The following CSMD1 variants were observed in gnomAD, a reference collection of about 807,000 sequenced individuals.
CSMD1 encodes the protein CUB and Sushi multiple domains 1.
A neutral mutation model predicts 417.5 loss-of-function variants in CSMD1; 213 were observed. That is an observed-to-expected ratio of 0.51 (90% CI 0.46 to 0.57). The LOEUF (loss-of-function observed/expected upper bound fraction) is 0.57, where lower values mean the gene tolerates loss of function less well. CSMD1 is among the 20% of genes least tolerant of loss of function. CSMD1 has a pLI of 0.00. For synonymous variants in CSMD1, 2,862 were observed against 1,736.8 expected (o/e 1.65, Z -16.11); for missense variants, 6,923 against 4,529.7 (o/e 1.53, Z -15.17).
chr8:3,955,788 G>A (rs10503224), intron 5 of CSMD1, among the ~76,000 whole-genome samples: 22,587 of 152,204 alleles, frequency 0.15, 2,075 homozygotes, highest in African/African-American at 0.25. Context: ...ATATCCCTTA[G>A]AAATCAATCA....
intron 1 of CSMD1, among the ~76,000 whole-genome samples, chr8:4,716,741 T>G (rs1293580892): frequency 6.6e-6 from 1 of 152,170 alleles, no homozygotes; most frequent in Non-Finnish European, 1.5e-5. Flanking sequence ...GAGAATTAAC[T>G]AAAAACTGAG....
chr8:3,441,714 G>A (rs924291979), intron 12 of CSMD1, among the ~76,000 whole-genome samples: 3 of 152,144 alleles, frequency 2.0e-5, no homozygotes, highest in African/African-American at 7.2e-5. Context: ...TGCCAGCCAT[G>A]TGAAAGCGGA....
chr8:4,401,086 C>T (rs910919595), intron 3 of CSMD1, among the ~76,000 whole-genome samples: 1 of 152,020 alleles, frequency 6.6e-6, no homozygotes, highest in African/African-American at 2.4e-5. Context: ...TGAGTTTTTA[C>T]AAAGAAAATT....
At chr8:3,464,261 G>A (rs1170111755) in intron 12 of CSMD1, among the ~76,000 whole-genome samples, 1 of 152,038 alleles carries the variant, frequency 6.6e-6, no homozygotes, top group Non-Finnish European at 1.5e-5. Context: ...ACTATAGACA[G>A]AGAAGCCATA....
intron 16 of CSMD1, 140 bp downstream of exon 16, chr8:3,399,251 A>C: frequency 4.4e-6 from 3 of 677,812 alleles, no homozygotes; most frequent in Non-Finnish European, 4.8e-6. Flanking sequence ...CTTACAAGTA[A>C]GTGCCTGTTT....
chr8:4,920,733 G>A (rs1465614148), intron 1 of CSMD1, among the ~76,000 whole-genome samples: 2 of 151,842 alleles, frequency 1.3e-5, no homozygotes, highest in Admixed American at 6.6e-5. Context: ...TAAGGCAGGA[G>A]AATCACTTGA....
intron 3 of CSMD1, among the ~76,000 whole-genome samples, chr8:4,060,525 C>T (rs372756870): frequency 3.2e-4 from 48 of 152,182 alleles, no homozygotes; most frequent in Admixed American, 1.3e-3. Flanking sequence ...AAGGGGATGT[C>T]GGAGAAGGAG....
chr8:3,425,161 C>G (rs1469046184), intron 12 of CSMD1, among the ~76,000 whole-genome samples: 2 of 152,200 alleles, frequency 1.3e-5, no homozygotes, highest in East Asian at 1.9e-4. Context: ...CTTACTGTGT[C>G]TAGCCTGTCA....
In CSMD1 at chr8:4,310,576, G is replaced by T. The variant is rs137937385; in HGVS notation, c.415+109377C>A. 5.9e-4 allele frequency among the ~76,000 whole-genome samples: 90 copies of T among 152,040 alleles called. 1 individual carries two copies. Among genetic ancestry groups the T allele is most frequent in the Non-Finnish European group, 2.4e-4 (16 of 68,008 alleles). ...ATACTTGTATGACATTTACATTTTTGAAAGTTTTCATAGCTCTCGATGATG... is the reference window on the plus strand; with the variant it reads ...ATACTTGTATGACATTTACATTTTTTAAAGTTTTCATAGCTCTCGATGATG... On this transcript the variant is annotated intron_variant, in intron 3 of 69. Coordinates refer to ENST00000635120, the MANE Select transcript of CSMD1 (RefSeq NM_033225.6).
At chr8:3,489,942 C>G (rs907483204) in intron 11 of CSMD1, among the ~76,000 whole-genome samples, 7 of 152,186 alleles carry the variant, frequency 4.6e-5, no homozygotes, top group African/African-American at 1.7e-4. Context: ...ATGTGATCCT[C>G]TGACTTCGTA....
chr8:3,006,129 C>A (rs1408556557), intron 52 of CSMD1, among the ~76,000 whole-genome samples: 11 of 151,160 alleles, frequency 7.3e-5, no homozygotes, highest in Non-Finnish European at 1.0e-4. Flanking sequence ...ACACCAACAA[C>A]AGACAAACAG....
At chr8:4,569,425 G>C (rs916112386) in intron 2 of CSMD1, among the ~76,000 whole-genome samples, 5 of 152,112 alleles carry the variant, frequency 3.3e-5, no homozygotes, top group Non-Finnish European at 5.9e-5. Context: ...GCTTGTTTTT[G>C]TCAGGTTTGT....
chr8:4,302,448 C>A (rs780614773), intron 3 of CSMD1, among the ~76,000 whole-genome samples: 1 of 152,152 alleles, frequency 6.6e-6, no homozygotes, highest in African/African-American at 2.4e-5. Context: ...GGTTTTATCA[C>A]ACATATCGTG....
At chr8:3,365,964 G>A (rs935468344) in intron 20 of CSMD1, among the ~76,000 whole-genome samples, 6 of 152,156 alleles carry the variant, frequency 3.9e-5, no homozygotes, top group African/African-American at 1.2e-4. Flanking sequence ...CTTCAGTTTT[G>A]GTTTGGGAGA....
intron 5 of CSMD1, among the ~76,000 whole-genome samples, chr8:3,889,182 G>A (rs748532265): frequency 8.6e-5 from 13 of 151,698 alleles, no homozygotes; most frequent in Non-Finnish European, 1.8e-4. Context: ...GACGATGCAA[G>A]ATTCGAACAA....
chr8:4,946,748 G>A (rs114429858), intron 1 of CSMD1, among the ~76,000 whole-genome samples: 5 of 152,108 alleles, frequency 3.3e-5, no homozygotes, highest in African/African-American at 7.2e-5. Flanking sequence ...AGCATCAGTA[G>A]GTTCAGTTAT....
At chr8:4,409,617 G>C (rs1379383116) in intron 3 of CSMD1, among the ~76,000 whole-genome samples, 2 of 148,034 alleles carry the variant, frequency 1.4e-5, no homozygotes, top group East Asian at 4.0e-4. Context: ...GAAGAGTATA[G>C]ATTCATCATT....
intron 1 of CSMD1, among the ~76,000 whole-genome samples, chr8:4,983,824 T>C (rs1039485969): frequency 4.7e-5 from 5 of 105,502 alleles, no homozygotes; most frequent in Admixed American, 8.2e-5. Flanking sequence ...CAAGGAGAGA[T>C]TGGGTGATCA....
intron 3 of CSMD1, among the ~76,000 whole-genome samples, chr8:4,263,257 T>G (rs1804008608): frequency 6.6e-6 from 1 of 152,286 alleles, no homozygotes; most frequent in East Asian, 1.9e-4. Context: ...ATCTGTAAGC[T>G]GAAAGGTTAG....
Sources: allele counts gnomAD v4.1 joint callset (sites outside exome capture counted in the v4.1 genomes callset), GRCh38; gene constraint gnomAD v4.1.1; transcripts MANE v1.5; gene names NCBI Gene and HGNC (gene_info 2026-07-23, HGNC 2026-07-21).